The following CSMD3 variants were observed in gnomAD, a reference collection of about 807,000 sequenced individuals.
CSMD3 encodes the protein CUB and Sushi multiple domains 3.
A neutral mutation model predicts 435.2 loss-of-function variants in CSMD3; 177 were observed. That is an observed-to-expected ratio of 0.41 (90% CI 0.36 to 0.46). CSMD3 has a LOEUF of 0.46. Ranked by LOEUF, CSMD3 falls within the 20% of genes least tolerant of loss-of-function variation. The pLI is 0.34. For missense variants in CSMD3, 4,265 were observed against 4,504.6 expected, an observed-to-expected ratio of 0.95 and a Z score of 1.52; for synonymous variants, 1,656 against 1,520.5, an observed-to-expected ratio of 1.09 and a Z score of -2.07.
At chr8:113,286,509 C>A (rs1297674358) in intron 2 of CSMD3, among the ~76,000 whole-genome samples, 2 of 151,966 alleles carry the variant, frequency 1.3e-5, no homozygotes, top group Admixed American at 6.6e-5. Context: ...AATTAACATA[C>A]TGTATTTCAA....
chr8:113,428,383 A>C, intron 1 of CSMD3, among the ~76,000 whole-genome samples: 1 of 151,700 alleles, frequency 6.6e-6, no homozygotes, highest in East Asian at 1.9e-4. Context: ...TTTTTCTTTT[A>C]GATTTTGGTA....
chr8:112,608,879 G>A (rs1833006323), intron 22 of CSMD3, among the ~76,000 whole-genome samples: 1 of 151,898 alleles, frequency 6.6e-6, no homozygotes. Context: ...CATGAGACCT[G>A]AAACCTTAAC....
At chr8:112,965,878 A>T (rs997877545) in intron 7 of CSMD3, among the ~76,000 whole-genome samples, 2 of 151,960 alleles carry the variant, frequency 1.3e-5, no homozygotes, top group Admixed American at 1.3e-4. Flanking sequence ...ATGTGATGAA[A>T]TAAGGTAATG....
chr8:112,925,329 A>C (rs1405852797), intron 9 of CSMD3, among the ~76,000 whole-genome samples: 3 of 151,896 alleles, frequency 2.0e-5, no homozygotes, highest in African/African-American at 7.2e-5. Flanking sequence ...GAGGCCAAGG[A>C]GGGAGGATTA....
rs149605079 is a variant in CSMD3, at chr8:113,342,323, C to T, written c.179-27530G>A. On this transcript the variant is annotated intron_variant, in intron 1 of 70. Transcript: ENST00000297405. The stretch of plus-strand genomic sequence containing the variant: ...CTTCAATACACGATTCTCTAATGCG[C>T]TTTCAAAAGTATAGAAATACTATTG... 8.5e-5 allele frequency among the ~76,000 whole-genome samples: 13 copies of T among 152,212 alleles called. No homozygotes were observed. The East Asian group carries it at 2.3e-3, about 27-fold the overall frequency.
intron 5 of CSMD3, among the ~76,000 whole-genome samples, chr8:113,066,580 T>C (rs184082353): frequency 5.3e-5 from 8 of 152,216 alleles, no homozygotes; most frequent in African/African-American, 1.7e-4. Context: ...CAGCTCTCAA[T>C]ACATCAGAGA....
At chr8:112,878,683 T>C (rs1193062690) in intron 10 of CSMD3, among the ~76,000 whole-genome samples, 1 of 152,060 alleles carries the variant, frequency 6.6e-6, no homozygotes, top group Admixed American at 6.6e-5. Flanking sequence ...CCATCAATGA[T>C]AGACTAGATA....
intron 7 of CSMD3, among the ~76,000 whole-genome samples, chr8:112,970,412 AAAAAG>A (rs1334638335): frequency 6.6e-6 from 1 of 150,618 alleles, no homozygotes; most frequent in African/African-American, 2.4e-5. Flanking sequence ...AAAAAAAAAA[AAAAAG>A]AAAAGATATC....
At chr8:112,905,614 C>A (rs1234127902) in intron 10 of CSMD3, among the ~76,000 whole-genome samples, 1 of 151,384 alleles carries the variant, frequency 6.6e-6, no homozygotes, top group East Asian at 2.0e-4. Flanking sequence ...TGCTTACCAT[C>A]AATTATAAAA....
chr8:112,411,705 A>G (rs566106143), intron 32 of CSMD3, among the ~76,000 whole-genome samples: 3 of 152,186 alleles, frequency 2.0e-5, no homozygotes, highest in Non-Finnish European at 2.9e-5. Flanking sequence ...CTTAAGAACT[A>G]AGTGATGACT....
At chr8:113,060,585 T>C (rs551007506) in intron 5 of CSMD3, among the ~76,000 whole-genome samples, 1 of 152,292 alleles carries the variant, frequency 6.6e-6, no homozygotes, top group South Asian at 2.1e-4. Flanking sequence ...TTCTCCTTTA[T>C]ATTTGTTGCT....
intron 31 of CSMD3, among the ~76,000 whole-genome samples, chr8:112,486,409 C>T (rs1289621638): frequency 2.0e-5 from 3 of 152,020 alleles, no homozygotes; most frequent in African/African-American, 7.2e-5. Context: ...GTCTTGGTTT[C>T]CTCATCTATA....
intron 4 of CSMD3, among the ~76,000 whole-genome samples, chr8:113,138,743 G>T (rs1362747378): frequency 1.3e-5 from 2 of 150,834 alleles, no homozygotes; most frequent in Non-Finnish European, 3.0e-5. Context: ...GTGTGATCAA[G>T]TAGAAATTAT....
intron 4 of CSMD3, among the ~76,000 whole-genome samples, chr8:113,141,421 G>T (rs1287072544): frequency 6.6e-6 from 1 of 150,672 alleles, no homozygotes; most frequent in Non-Finnish European, 1.5e-5. Flanking sequence ...CATGCATACA[G>T]ATACAAAAAT....
intron 1 of CSMD3, among the ~76,000 whole-genome samples, chr8:113,399,187 G>A (rs1264912561): frequency 6.8e-6 from 1 of 146,158 alleles, no homozygotes; most frequent in African/African-American, 2.5e-5. Context: ...TATAAAACAA[G>A]TATTGGCAAG....
intron 6 of CSMD3, among the ~76,000 whole-genome samples, chr8:113,006,483 G>C (rs2086061190): frequency 6.6e-6 from 1 of 151,930 alleles, no homozygotes; most frequent in African/African-American, 2.4e-5. Flanking sequence ...GCTTTAATGG[G>C]ATTGCCCTGC....
chr8:113,402,360 C>T (rs2094514192), intron 1 of CSMD3, among the ~76,000 whole-genome samples: 1 of 151,194 alleles, frequency 6.6e-6, no homozygotes, highest in Non-Finnish European at 1.5e-5. Flanking sequence ...AATCTCTTGG[C>T]AAAATATGTT....
At chr8:112,917,922 T>C (rs1176517473) in intron 10 of CSMD3, among the ~76,000 whole-genome samples, 1 of 151,890 alleles carries the variant, frequency 6.6e-6, no homozygotes, top group African/African-American at 2.4e-5. Context: ...GACTTTCACA[T>C]CCATCTTCCT....
At chr8:113,107,235 G>T (rs56021157) in intron 4 of CSMD3, among the ~76,000 whole-genome samples, 1 of 152,204 alleles carries the variant, frequency 6.6e-6, no homozygotes, top group African/African-American at 2.4e-5. Context: ...GATCCATGGG[G>T]TCCAGGGTGA....
Sources: allele counts gnomAD v4.1 joint callset (sites outside exome capture counted in the v4.1 genomes callset), GRCh38; gene constraint gnomAD v4.1.1; transcripts MANE v1.5; gene names NCBI Gene and HGNC (gene_info 2026-07-23, HGNC 2026-07-21).